CHD4: variants seen among roughly 807,000 people sequenced by gnomAD.
CHD4 encodes ATP-dependent chromatin remodeler CHD4.
CHD4 carries 35 observed loss-of-function variants against 235.5 expected under a neutral mutation model. That is an observed-to-expected ratio of 0.15 (90% CI 0.11 to 0.20). The LOEUF (loss-of-function observed/expected upper bound fraction) is 0.20. CHD4 is among the 10% of genes least tolerant of loss of function. The pLI is 1.00. For missense variants in CHD4, 1,329 were observed against 2,432.3 expected, an observed-to-expected ratio of 0.55 and a Z score of 9.54; for synonymous variants, 900 against 850.2, an observed-to-expected ratio of 1.06 and a Z score of -1.02.
At position 6,606,255 on chromosome 12, in the gene CHD4, C is replaced by T. The variant is rs779115050; in HGVS notation, c.100+19G>A. 4.0e-6 allele frequency: 6 copies of T among 1,516,334 alleles called. No homozygotes were observed. In the Middle Eastern group the frequency reaches 5.2e-4, roughly 130 times the overall value. 93.9% of individuals were successfully genotyped at this position (1,516,334 alleles called of 1,614,324 possible). A position where few individuals can be genotyped will look rare whatever the true frequency, so the allele number is the denominator to read the frequency against. On this transcript the variant is annotated intron_variant, in intron 2 of 39. Coordinates refer to ENST00000544040, the MANE Select transcript of CHD4 (RefSeq NM_001273.5). Reference sequence around the variant, plus strand: ...CCAGATGTCTCCTTCCCGCCATGGGCCCTTGGGGAAGATGTTACCTGGGTG... The same window carrying T: ...CCAGATGTCTCCTTCCCGCCATGGGTCCTTGGGGAAGATGTTACCTGGGTG...
In CHD4 at chr12:6,595,474, A is replaced by G. The variant is rs756630032; in HGVS notation, c.2025-44T>C. 5.7e-6 allele frequency: 9 copies of G among 1,567,884 alleles called. No individual in the cohort carries two copies. The Admixed American group carries it at 8.4e-5, about 15-fold the overall frequency. On this transcript the variant is annotated intron_variant, in intron 13 of 39. Transcript: ENST00000544040. ...ACACAGCTGCCCAAAATCCTTTTCT[A>G]TAGAAGAAACAACTTGGCCAGGCAC...
Position 6,570,482 on chromosome 12 carries a change from T to A in CHD4, c.*194A>T, listed in dbSNP as rs1947944672. ...AGATGGCGCCAGCGCTACTGCTGCA[T>A]GTCTCTTCTGCAGGAAGGGCACCAC... On this transcript the variant is annotated 3_prime_UTR_variant, in exon 40 of 40. Transcript: ENST00000544040. The A allele has an allele frequency of 3.1e-6, 2 of 648,434 alleles. No individual in the cohort carries two copies. The highest frequency in any genetic ancestry group is 2.8e-5 in the East Asian group (1 of 36,110). 40.2% of individuals were successfully genotyped at this position (648,434 alleles called of 1,614,324 possible).
At chr12:6,602,241 G>A in intron 3 of CHD4, 66 bp from the exon 4 acceptor site, 1 of 1,601,112 alleles carries the variant, frequency 6.2e-7, no homozygotes. Context: ...CTGACCTCAG[G>A]ACAGCCCTGA....
intron 1 of CHD4, chr12:6,606,665 G>A (rs1948706360): frequency 1.3e-5 from 4 of 319,010 alleles, no homozygotes; most frequent in Admixed American, 1.0e-4. Flanking sequence ...ACGCCTCCGA[G>A]GGCAGGCTGG....
intron 10 of CHD4, among the ~76,000 whole-genome samples, chr12:6,598,982 G>A (rs535607209): frequency 4.3e-4 from 66 of 152,166 alleles, no homozygotes; most frequent in Non-Finnish European, 8.2e-4. Context: ...TCCATTTCTG[G>A]ACATCGTCCA....
intron 12 of CHD4, 102 bp downstream of exon 12, chr12:6,597,792 A>G: frequency 1.9e-6 from 2 of 1,048,468 alleles, no homozygotes; most frequent in Non-Finnish European, 1.4e-6. Context: ...AAAAAAAACC[A>G]GTGTCTTCCA....
At chr12:6,600,044 AC>A in intron 9 of CHD4, 32 bp from the exon 10 acceptor site, 2 of 1,606,328 alleles carry the variant, frequency 1.2e-6, no homozygotes, top group Non-Finnish European at 1.7e-6. Flanking sequence ...TCAGATTATT[AC>A]CCCCACCCGC....
chr12:6,600,011 T>C lies in CHD4; in HGVS notation c.1244A>G (p.Glu415Gly). 1 of 1,614,026 alleles carries C rather than the reference T, an allele frequency of 6.2e-7. No homozygotes were observed. Among genetic ancestry groups the C allele is most frequent in the Non-Finnish European group, 8.5e-7 (1 of 1,179,950 alleles). ...AGCTTCCCACTGGATGCCTTCCTTCTCCTGCAGTAAAGGACCACAGATTCA... is the reference window on the plus strand; with the variant it reads ...AGCTTCCCACTGGATGCCTTCCTTCCCCTGCAGTAAAGGACCACAGATTCA... ...PEGKWSCPHC[E>G]KEGIQWEAKE... Residue 415 changes from glutamate to glycine, a missense_variant and splice_region_variant, in exon 10 of 40, where the codon GAG becomes GGG. Physicochemically the swap from Glu to Gly is moderately conservative, Grantham distance 98 (BLOSUM62 -2). This residue lies in a region of CHD4 where 37 missense variants were observed against 49.9 expected (regional missense o/e 0.74). Transcript: ENST00000544040.
Position 6,601,764 on chromosome 12 carries a change from C to T in CHD4, c.441G>A (p.Glu147=), listed in dbSNP as rs749506496. 1.2e-6 allele frequency: 2 copies of T among 1,613,780 alleles called. No homozygotes were observed. The highest frequency in any genetic ancestry group is 2.2e-5 in the East Asian group (1 of 44,874). The change falls in exon 5 of 40, where the codon GAG becomes GAA. Residue 147 remains glutamate, a splice_region_variant and synonymous_variant. Transcript: ENST00000544040. The part of the protein sequence containing the change: ...EEEDDDDDSK[E]PKSSAQLLED... ...CCAGGAGCTGAGCAGATGATTTAGG[C>T]TCCTGCAGAAAGAGCAAAGTCAAGT...
At chr12:6,596,420 C>T (rs1345616751) in intron 12 of CHD4, among the ~76,000 whole-genome samples, 1 of 151,394 alleles carries the variant, frequency 6.6e-6, no homozygotes, top group African/African-American at 2.4e-5. Context: ...GAAGCTGAGG[C>T]AGGCAGATCG....
intron 10 of CHD4, 103 bp from the exon 11 acceptor site, chr12:6,598,528 A>T: frequency 9.7e-7 from 1 of 1,027,828 alleles, no homozygotes; most frequent in Non-Finnish European, 1.4e-6. Flanking sequence ...ATCTCATTTC[A>T]GACCTGGAGC....
intron 23 of CHD4, 35 bp downstream of exon 23, chr12:6,588,263 G>C: frequency 6.2e-7 from 1 of 1,608,080 alleles, no homozygotes; most frequent in Non-Finnish European, 8.5e-7. Context: ...AGCATAACAT[G>C]TTACTTATTA....
At chr12:6,601,622 C>G (rs1306683965) in intron 5 of CHD4, 26 bp downstream of exon 5, 2 of 1,613,382 alleles carry the variant, frequency 1.2e-6, no homozygotes, top group Non-Finnish European at 1.7e-6. Flanking sequence ...TTCTCCTCCC[C>G]CTTCCCCAAA....
intron 33 of CHD4, among the ~76,000 whole-genome samples, chr12:6,580,079 T>C (rs61918042): frequency 2.2e-5 from 3 of 137,850 alleles, no homozygotes; most frequent in African/African-American, 8.5e-5. Flanking sequence ...AAAAAAAAAT[T>C]ACGTGGGCAT....
chr12:6,588,513 C>T (rs921864581), intron 22 of CHD4, 91 bp from the exon 23 acceptor site: 3 of 1,443,222 alleles, frequency 2.1e-6, no homozygotes, highest in African/African-American at 2.8e-5. Flanking sequence ...GGCAGTGGCT[C>T]ATGCCTGTAA....
Position 6,593,421 on chromosome 12 carries a change from T to G in CHD4, c.2509A>C (p.Met837Leu), listed in dbSNP as rs1948434344. 6.2e-7 allele frequency: 1 copy of G among 1,613,890 alleles called. No homozygotes were observed. Among genetic ancestry groups the G allele is most frequent in the Admixed American group, 1.7e-5 (1 of 59,998 alleles). ...GCTTCCCTCCCCTGAGATACCTTCA[T>G]GCGGGAGGCCTTCTTGCCACCACGA... is the stretch of plus-strand genomic sequence containing the variant. ...AIRGGKKASR[M>L]KKEASVKFHV... is the part of the protein sequence containing the mutation. The change falls in exon 16 of 40, where the codon ATG (methionine) becomes CTG (leucine). Residue 837 changes from methionine (M) to leucine (L), a missense_variant. By Grantham distance (15) the Met-to-Leu change is conservative. This residue lies in a region of CHD4 where 78 missense variants were observed against 174.8 expected (regional missense o/e 0.45). Transcript: ENST00000544040. The surrounding 1 kb of genome is among the most constrained non-coding windows in gnomAD (Gnocchi z 4.9).
In CHD4 at chr12:6,587,917, A is replaced by G. The variant is rs1305760765; in HGVS notation, c.3498T>C (p.Asn1166=). Residue 1166 remains asparagine (N), a synonymous_variant, in exon 24 of 40, where the codon AAT becomes AAC. Transcript: ENST00000544040. ...CAAACCGGTAGATCATTACCTTTTT[A>G]TTTTGCCCAATCCGGTGAGCTCTGC... ...AFSRAHRIGQ[N]KKVMIYRFVT... The G allele has an allele frequency of 6.2e-7, 1 of 1,614,002 alleles. No homozygotes were observed. Among genetic ancestry groups the G allele is most frequent in the Non-Finnish European group, 8.5e-7 (1 of 1,180,036 alleles).
At chr12:6,579,440 C>T (rs1462350759) in intron 33 of CHD4, 4 of 171,512 alleles carry the variant, frequency 2.3e-5, no homozygotes, top group Non-Finnish European at 5.0e-5. Flanking sequence ...AAAAATTAGC[C>T]GGGCGTGGTG....
rs1043796192 is a variant in CHD4, at chr12:6,582,278, T to C, written c.4374A>G (p.Ala1458=). The change falls in exon 30 of 40, where the codon GCA becomes GCG. Residue 1458 remains alanine (A), a synonymous_variant. Coordinates refer to ENST00000544040, the MANE Select transcript of CHD4 (RefSeq NM_001273.5). ...AATGCCGCATGAAAAGAGAGACATA[T>C]GCCCTGTGTAAAGAAGTAGAGAAAG... ...LRGKSEKEFK[A]YVSLFMRHLC... is the part of the protein sequence containing the mutation. 13 of 1,575,096 alleles carry C rather than the reference T, an allele frequency of 8.3e-6. No homozygotes were observed. In the African/African-American group the frequency reaches 1.8e-4, roughly 22 times the overall value.
Sources: gnomAD v4.1 joint callset for allele counts (sites outside exome capture counted in the v4.1 genomes callset) on GRCh38, gnomAD v4.1.1 for gene constraint, gnomAD v4.1.1 regional missense constraint, Gnocchi (gnomAD v3.1) non-coding constraint, MANE v1.5 for transcripts, NCBI Gene and HGNC (gene_info 2026-07-23, HGNC 2026-07-21) for gene names.